The following C5orf24 variants were observed in gnomAD, a reference collection of about 807,000 sequenced individuals.
The protein encoded by C5orf24 is UPF0461 protein C5orf24.
Under a neutral mutation model 9.8 loss-of-function variants are expected in C5orf24, and 4 were observed. The observed-to-expected ratio is 0.41, with a 90% confidence interval of 0.20 to 0.93. The LOEUF (loss-of-function observed/expected upper bound fraction) is 0.93. C5orf24 is among the 40% of genes least tolerant of loss of function. The pLI is 0.33. For missense variants in C5orf24, 170 were observed against 236.9 expected (o/e 0.72, Z 1.85); for synonymous variants, 73 against 81.3 (o/e 0.90, Z 0.55).
chr5:134,840,674 C>T, the C5orf24 span, among the ~76,000 whole-genome samples: 1 of 152,074 alleles, frequency 6.6e-6, no homozygotes, highest in Non-Finnish European at 1.5e-5. Context: ...GTTGGGACCA[C>T]AGGCATGTGC....
At position 134,855,120 on chromosome 5, in the gene C5orf24, A is replaced by G; in HGVS notation, c.220A>G (p.Ile74Val). ...LQTTSGRSIE[I>V]KDELKKKKNL... ...GACTACAAGTGGCAGAAGCATAGAAATAAAAGATGAACTAAAGAAAAAGAA... is the reference window on the plus strand; with the variant it reads ...GACTACAAGTGGCAGAAGCATAGAAGTAAAAGATGAACTAAAGAAAAAGAA... Residue 74 changes from isoleucine (I) to valine (V), a missense_variant, in exon 2 of 2, where the codon ATA becomes GTA. Transcript: ENST00000394976. The G allele has an allele frequency of 6.2e-7, 1 of 1,614,210 alleles. No individual in the cohort carries two copies. Among genetic ancestry groups the G allele is most frequent in the East Asian group, 2.2e-5 (1 of 44,878 alleles).
At chr5:134,849,627 C>T (rs189308462) in intron 1 of C5orf24, among the ~76,000 whole-genome samples, 1,425 of 136,150 alleles carry the variant, frequency 0.01, 12 homozygotes, top group Non-Finnish European at 0.016. Flanking sequence ...CCCTGCACTT[C>T]AGAAATGTTA....
At chr5:134,850,307 C>T (rs1756121019) in intron 1 of C5orf24, among the ~76,000 whole-genome samples, 1 of 151,706 alleles carries the variant, frequency 6.6e-6, no homozygotes, top group Non-Finnish European at 1.5e-5. Flanking sequence ...TACCACCACG[C>T]CCAACTAAAT....
chr5:134,854,825 C>T, intron 1 of C5orf24, 73 bp from the exon 2 acceptor site: 1 of 1,511,342 alleles, frequency 6.6e-7, no homozygotes, highest in Non-Finnish European at 9.0e-7. Context: ...AGACTGTTTT[C>T]TCACTGAATG....
rs765908439 is a variant in C5orf24, at chr5:134,854,987, T to C, written c.87T>C (p.Ala29=). ...SCLNEDAMRA[A]DQFDIYSSQQ... is the part of the protein sequence containing the mutation. Reference sequence around the variant, plus strand: ...TCAATGAAGATGCCATGAGAGCTGCTGATCAGTTTGACATATATTCCTCCC... The same window carrying C: ...TCAATGAAGATGCCATGAGAGCTGCCGATCAGTTTGACATATATTCCTCCC... The change falls in exon 2 of 2, where the codon GCT becomes GCC. Residue 29 remains alanine, a synonymous_variant. Coordinates refer to ENST00000394976, the MANE Select transcript of C5orf24 (RefSeq NM_001135586.1). 1.2e-6 allele frequency: 2 copies of C among 1,614,054 alleles called. No individual in the cohort carries two copies. The highest frequency in any genetic ancestry group is 4.5e-5 in the East Asian group (2 of 44,898).
intron 1 of C5orf24, among the ~76,000 whole-genome samples, chr5:134,850,103 A>C (rs1373470385): frequency 6.6e-6 from 1 of 152,196 alleles, no homozygotes; most frequent in Non-Finnish European, 1.5e-5. Flanking sequence ...CTAAAGGCAT[A>C]AATTCTGGAC....
In C5orf24 at chr5:134,857,347, T is replaced by G. The variant is rs1756341448; in HGVS notation, c.*1880T>G. 2 of 1,546,988 alleles carry G rather than the reference T, an allele frequency of 1.3e-6. No homozygotes were observed. Among genetic ancestry groups the G allele is most frequent in the African/African-American group, 1.4e-5 (1 of 73,124 alleles). ...CAAATGGATGTCATGTTTCATACCT[T>G]TTTTATCAGGAAAAAAGCAGCAAGC... On this transcript the variant is annotated 3_prime_UTR_variant, in exon 2 of 2. Coordinates refer to ENST00000394976, the MANE Select transcript of C5orf24 (RefSeq NM_001135586.1).
chr5:134,839,094 G>A, the C5orf24 span, among the ~76,000 whole-genome samples: 8 of 151,858 alleles, frequency 5.3e-5, no homozygotes, highest in Non-Finnish European at 1.2e-4. Context: ...CCAGATACTT[G>A]GGAGGCTGAG....
the C5orf24 span, among the ~76,000 whole-genome samples, chr5:134,840,088 C>T: frequency 6.6e-6 from 1 of 152,072 alleles, no homozygotes; most frequent in East Asian, 1.9e-4. Context: ...GTGGGCGGAT[C>T]ATGAGGTCAG....
chr5:134,848,639 C>T (rs1405486099), intron 1 of C5orf24, among the ~76,000 whole-genome samples: 1 of 94,312 alleles, frequency 1.1e-5, no homozygotes, highest in Non-Finnish European at 1.9e-5. Context: ...CCAGCCTGGG[C>T]AAGAGCAAAA....
rs1382475226 is a variant in C5orf24 at position 134,857,413 on chromosome 5, C to T, written c.*1946C>T. Reference sequence around the variant, plus strand: ...TGATGCCTGACACAATTGAGCTGGACTTTATGCTGCTCTTTACAGTAAGAG... The same window carrying T: ...TGATGCCTGACACAATTGAGCTGGATTTTATGCTGCTCTTTACAGTAAGAG... On this transcript the variant is annotated 3_prime_UTR_variant, in exon 2 of 2. Transcript: ENST00000394976. The T allele has an allele frequency of 3.9e-6, 6 of 1,547,298 alleles. No homozygotes were observed. Among genetic ancestry groups the T allele is most frequent in the Admixed American group, 2.0e-5 (1 of 50,788 alleles).
intron 1 of C5orf24, among the ~76,000 whole-genome samples, chr5:134,853,821 G>A (rs1184812664): frequency 6.6e-6 from 1 of 152,238 alleles, no homozygotes; most frequent in South Asian, 2.1e-4. Flanking sequence ...GGTGGCTCAC[G>A]CCTGTAATCC....
Position 134,855,492 on chromosome 5 carries a change from T to C in C5orf24, c.*25T>C. The stretch of plus-strand genomic sequence containing the variant: ...AATGAGGCAGGAAAAGAGGGCCAGG[T>C]TTAGAAGGAAGATTGTGAATAATCC... On this transcript the variant is annotated 3_prime_UTR_variant, in exon 2 of 2. Coordinates refer to ENST00000394976, the MANE Select transcript of C5orf24 (RefSeq NM_001135586.1). The C allele has an allele frequency of 6.2e-7, 1 of 1,611,148 alleles. No individual in the cohort carries two copies. Among genetic ancestry groups the C allele is most frequent in the Non-Finnish European group, 8.5e-7 (1 of 1,179,376 alleles).
rs1044198279 is a variant in C5orf24 at position 134,857,658 on chromosome 5, A to ATGCT, written c.*2195_*2198dup. On this transcript the variant is annotated 3_prime_UTR_variant, in exon 2 of 2. Transcript: ENST00000394976. ...ACAGTATAACTTCTGACACACACAAATGCTTGCCTCTTTATTCATATGTTC... is the reference window on the plus strand; with the variant it reads ...ACAGTATAACTTCTGACACACACAAATGCTTGCTTGCCTCTTTATTCATATGTTC... The ATGCT allele has an allele frequency of 2.2e-5, 8 of 359,784 alleles. No homozygotes were observed. The highest frequency in any genetic ancestry group is 1.7e-4 in the African/African-American group (8 of 47,488). The allele number at this position is 359,784 out of a possible 1,614,324, so 22.3% of individuals were successfully genotyped here. A position where few individuals can be genotyped will look rare whatever the true frequency, so the allele number is the denominator to read the frequency against.
intron 1 of C5orf24, among the ~76,000 whole-genome samples, chr5:134,852,893 C>T (rs566698064): frequency 3.3e-5 from 5 of 152,252 alleles, no homozygotes; most frequent in South Asian, 2.1e-4. Flanking sequence ...AGTCCGGGCA[C>T]GGTGGCTCAC....
intron 1 of C5orf24, among the ~76,000 whole-genome samples, chr5:134,853,194 C>CAAAATA (rs1168565552): frequency 6.6e-6 from 1 of 150,666 alleles, no homozygotes; most frequent in African/African-American, 2.4e-5. Context: ...AATGAAAATA[C>CAAAATA]AAAATAAAAA....
At chr5:134,841,261 G>A (rs2150169729), upstream of C5orf24, among the ~76,000 whole-genome samples, 1 of 152,048 alleles carries the variant, frequency 6.6e-6, no homozygotes, top group Non-Finnish European at 1.5e-5. Context: ...AGATTATGGT[G>A]TAGTAAGAAA....
chr5:134,850,618 G>A (rs549818852), intron 1 of C5orf24, among the ~76,000 whole-genome samples: 76 of 151,474 alleles, frequency 5.0e-4, no homozygotes, highest in African/African-American at 1.6e-3. Context: ...GATTACAGGC[G>A]TGCACCACTA....
intron 1 of C5orf24, among the ~76,000 whole-genome samples, chr5:134,847,505 AG>A (rs1756028289): frequency 6.6e-6 from 1 of 152,200 alleles, no homozygotes; most frequent in African/African-American, 2.4e-5. Flanking sequence ...CATGTTGACC[AG>A]GCTGGTCTCG....
Sources: allele counts gnomAD v4.1 joint callset (sites outside exome capture counted in the v4.1 genomes callset), GRCh38; gene constraint gnomAD v4.1.1; transcripts MANE v1.5; gene names NCBI Gene and HGNC (gene_info 2026-07-23, HGNC 2026-07-21).